Variants in CDH13 observed in about 807,000 individuals in gnomAD.
CDH13 encodes cadherin-13.
CDH13 carries 24 observed loss-of-function variants against 63.8 expected under a neutral mutation model. The ratio of observed to expected loss-of-function variants is 0.38; its 90% CI spans 0.27 to 0.53. The LOEUF is 0.53. CDH13 is among the 20% of genes least tolerant of loss of function. The probability of loss-of-function intolerance (pLI) is 0.85; values close to 1 mark genes in which losing one functional copy is unlikely to be tolerated. For missense variants in CDH13, 1,049 were observed against 903.1 expected, an observed-to-expected ratio of 1.16 and a Z score of -2.07; for synonymous variants, 503 against 355.3, an observed-to-expected ratio of 1.42 and a Z score of -4.67.
chr16:83,049,646 T>G (rs1429507082), intron 3 of CDH13, among the ~76,000 whole-genome samples: 2 of 152,198 alleles, frequency 1.3e-5, no homozygotes, highest in African/African-American at 4.8e-5. Context: ...CTTTGCATAA[T>G]GTTGCAAGGT....
At chr16:83,035,559 G>A (rs2151479891) in intron 3 of CDH13, among the ~76,000 whole-genome samples, 1 of 152,252 alleles carries the variant, frequency 6.6e-6, no homozygotes, top group South Asian at 2.1e-4. Context: ...CATTTCCAAG[G>A]TCTAAAAATG....
intron 1 of CDH13, among the ~76,000 whole-genome samples, chr16:82,744,959 T>C (rs902864493): frequency 6.6e-6 from 1 of 152,162 alleles, no homozygotes; most frequent in African/African-American, 2.4e-5. Flanking sequence ...GCCATATGTC[T>C]CATAGGTAGC....
At chr16:83,188,345 C>G (rs1192619162) in intron 4 of CDH13, among the ~76,000 whole-genome samples, 2 of 152,138 alleles carry the variant, frequency 1.3e-5, no homozygotes, top group African/African-American at 4.8e-5. Flanking sequence ...TGGCCGTATT[C>G]TGGATATAAT....
chr16:82,838,315 C>G (rs898773788), intron 1 of CDH13, among the ~76,000 whole-genome samples: 1 of 152,176 alleles, frequency 6.6e-6, no homozygotes, highest in South Asian at 2.1e-4. Context: ...GAAGAACATG[C>G]CCGTCCTATT....
chr16:83,130,260 A>G (rs184856148), intron 4 of CDH13, among the ~76,000 whole-genome samples: 14 of 152,302 alleles, frequency 9.2e-5, no homozygotes, highest in South Asian at 4.1e-4. Flanking sequence ...CAGCATGCCA[A>G]TGAAGGTAAT....
chr16:82,923,237 G>A (rs2042210499), intron 2 of CDH13, among the ~76,000 whole-genome samples: 1 of 152,190 alleles, frequency 6.6e-6, no homozygotes, highest in Non-Finnish European at 1.5e-5. Flanking sequence ...TGTCACATGG[G>A]TGTGTCCATA....
intron 6 of CDH13, among the ~76,000 whole-genome samples, chr16:83,345,750 C>A (rs931071820): frequency 6.6e-6 from 1 of 152,058 alleles, no homozygotes; most frequent in Non-Finnish European, 1.5e-5. Context: ...CAGAAAAATT[C>A]CTCTTCGGCT....
chr16:83,006,423 C>G (rs915171608), intron 2 of CDH13, among the ~76,000 whole-genome samples: 1 of 152,198 alleles, frequency 6.6e-6, no homozygotes, highest in African/African-American at 2.4e-5. Context: ...AGAATAGCTC[C>G]TCTCTAAAAA....
chr16:83,145,795 T>C (rs890874060), intron 4 of CDH13, among the ~76,000 whole-genome samples: 1 of 152,178 alleles, frequency 6.6e-6, no homozygotes, highest in African/African-American at 2.4e-5. Flanking sequence ...TCTGCCCTTA[T>C]TGGAATCTTT....
At chr16:82,887,488 G>C (rs1391430328) in intron 2 of CDH13, among the ~76,000 whole-genome samples, 1 of 152,200 alleles carries the variant, frequency 6.6e-6, no homozygotes, top group African/African-American at 2.4e-5. Flanking sequence ...GAAGAATGCA[G>C]CCTGACAGGA....
At chr16:83,726,533 A>T (rs1331877316) in intron 10 of CDH13, among the ~76,000 whole-genome samples, 1 of 152,182 alleles carries the variant, frequency 6.6e-6, no homozygotes. Context: ...AAAATGGAAG[A>T]AAAATCAAAA....
intron 1 of CDH13, among the ~76,000 whole-genome samples, chr16:82,627,496 A>G (rs1360332608): frequency 5.3e-5 from 8 of 152,094 alleles, no homozygotes; most frequent in Admixed American, 5.2e-4. Context: ...GGCTCGGTGC[A>G]TTGGAGAAAG....
chr16:83,207,951 A>G (rs1314830911), intron 4 of CDH13, among the ~76,000 whole-genome samples: 1 of 152,166 alleles, frequency 6.6e-6, no homozygotes, highest in African/African-American at 2.4e-5. Flanking sequence ...GACCACTAAA[A>G]GATGAAGGAT....
At chr16:83,623,383 G>C (rs1909989967) in intron 8 of CDH13, among the ~76,000 whole-genome samples, 2 of 152,142 alleles carry the variant, frequency 1.3e-5, no homozygotes, top group Non-Finnish European at 2.9e-5. Context: ...ATCCTTCCCA[G>C]CATGCACTAT....
intron 6 of CDH13, among the ~76,000 whole-genome samples, chr16:83,376,951 G>T (rs549636325): frequency 2.2e-4 from 33 of 152,280 alleles, no homozygotes; most frequent in African/African-American, 7.7e-4. Flanking sequence ...ACTGCCCTGT[G>T]TGGAGATGCT....
At chr16:83,192,965 A>G (rs946141264) in intron 4 of CDH13, among the ~76,000 whole-genome samples, 3 of 152,088 alleles carry the variant, frequency 2.0e-5, no homozygotes, top group Non-Finnish European at 4.4e-5. Context: ...GAGAGGAACT[A>G]TGTACTTGGG....
chr16:83,269,042 A>G (rs950737064), intron 5 of CDH13, among the ~76,000 whole-genome samples: 3 of 152,204 alleles, frequency 2.0e-5, no homozygotes, highest in African/African-American at 7.2e-5. Context: ...TACATCTGTA[A>G]AGACGCTTTT....
chr16:83,728,342 C>CGTGCGTGTGTGTGTGTGT (rs1555521386), intron 10 of CDH13, among the ~76,000 whole-genome samples: 1 of 149,212 alleles, frequency 6.7e-6, no homozygotes, highest in Non-Finnish European at 1.5e-5. Flanking sequence ...TATGTGTGTG[C>CGTGCGTGTGTGTGTGTGT]GTGTGTGTGT....
At chr16:83,055,919 C>T (rs888927440) in intron 3 of CDH13, among the ~76,000 whole-genome samples, 2 of 152,146 alleles carry the variant, frequency 1.3e-5, no homozygotes, top group South Asian at 4.1e-4. Flanking sequence ...AAAAGGCAGG[C>T]TATACAGTGG....
Sources: gnomAD v4.1 joint callset for allele counts (sites outside exome capture counted in the v4.1 genomes callset) on GRCh38, gnomAD v4.1.1 for gene constraint, MANE v1.5 for transcripts, NCBI Gene and HGNC (gene_info 2026-07-23, HGNC 2026-07-21) for gene names.